Variants in KIF16B observed in about 807,000 individuals in gnomAD.
The protein encoded by KIF16B is kinesin-like protein KIF16B.
Under a neutral mutation model 156.3 loss-of-function variants are expected in KIF16B, and 98 were observed. The ratio of observed to expected loss-of-function variants is 0.63; its 90% CI spans 0.53 to 0.74. The LOEUF is 0.74. KIF16B is among the 30% of genes least tolerant of loss of function. KIF16B has a pLI of 0.00. For synonymous variants in KIF16B, 564 were observed against 583.7 expected (o/e 0.97, Z 0.49); for missense variants, 1,421 against 1,606.5 (o/e 0.88, Z 1.97).
At position 16,453,599 on chromosome 20, in the gene KIF16B, T is replaced by C. The variant is rs116723970; in HGVS notation, c.1303-23617A>G. ...ATCACTACATGAAGAGCCATGAAAA[T>C]TATGGGAAAACGCAATGATCAAAAA... On this transcript the variant is annotated intron_variant, in intron 12 of 25. Coordinates refer to ENST00000354981, the MANE Select transcript of KIF16B (RefSeq NM_024704.5). Among the ~76,000 whole-genome samples the C allele has an allele frequency of 7.2e-3, 1,094 of 152,066 alleles. 19 individuals are homozygous for C. The highest frequency in any genetic ancestry group is 0.025 in the African/African-American group (1,051 of 41,476).
chr20:16,432,185 A>G (rs912711780), intron 12 of KIF16B, among the ~76,000 whole-genome samples: 2 of 152,098 alleles, frequency 1.3e-5, no homozygotes, highest in African/African-American at 2.4e-5. Context: ...TCTGAAGTAG[A>G]AAGCAGACAA....
At chr20:16,281,661 A>G (rs1417282811) in intron 25 of KIF16B, among the ~76,000 whole-genome samples, 1 of 152,200 alleles carries the variant, frequency 6.6e-6, no homozygotes, top group East Asian at 1.9e-4. Flanking sequence ...ACTCCAAGGA[A>G]ATCAGGACAG....
At chr20:16,304,294 T>G (rs1232737691) in intron 25 of KIF16B, among the ~76,000 whole-genome samples, 1 of 152,244 alleles carries the variant, frequency 6.6e-6, no homozygotes, top group Non-Finnish European at 1.5e-5. Context: ...TCTCGCTCAT[T>G]GGTGCATTCA....
chr20:16,289,259 A>G (rs2063277458), intron 25 of KIF16B, among the ~76,000 whole-genome samples: 1 of 152,192 alleles, frequency 6.6e-6, no homozygotes, highest in Non-Finnish European at 1.5e-5. Flanking sequence ...CTTTTACACC[A>G]TCGTAAAGTT....
intron 23 of KIF16B, among the ~76,000 whole-genome samples, chr20:16,353,579 A>AG (rs916714115): frequency 1.0e-4 from 15 of 142,870 alleles, no homozygotes; most frequent in South Asian, 2.3e-4. Context: ...CAACCCAATG[A>AG]GGGGGGGGTT....
At chr20:16,275,983 G>C (rs6043846) in intron 25 of KIF16B, among the ~76,000 whole-genome samples, 4,179 of 152,334 alleles carry the variant, frequency 0.027, 72 homozygotes, top group African/African-American at 0.047. Context: ...AGAGCTTGCT[G>C]ACTTGTGCAT....
At chr20:16,283,830 C>A (rs189930105) in intron 25 of KIF16B, among the ~76,000 whole-genome samples, 2 of 152,264 alleles carry the variant, frequency 1.3e-5, no homozygotes, top group African/African-American at 4.8e-5. Flanking sequence ...GGGGAAGAAC[C>A]ACTTCCAAAC....
At chr20:16,365,916 G>A (rs1355498213) in intron 22 of KIF16B, among the ~76,000 whole-genome samples, 2 of 152,108 alleles carry the variant, frequency 1.3e-5, no homozygotes, top group Non-Finnish European at 2.9e-5. Flanking sequence ...GTGGATGGAG[G>A]GTGGGCTGAG....
At chr20:16,422,448 C>T (rs1225546973) in intron 15 of KIF16B, among the ~76,000 whole-genome samples, 6 of 152,072 alleles carry the variant, frequency 3.9e-5, no homozygotes, top group African/African-American at 1.4e-4. Context: ...GTAATCTACT[C>T]AGCATCAAGT....
chr20:16,385,217 T>C (rs1600259293), intron 17 of KIF16B, among the ~76,000 whole-genome samples: 1 of 148,706 alleles, frequency 6.7e-6, no homozygotes, highest in Non-Finnish European at 1.5e-5. Context: ...AAAAAGTAGG[T>C]ACTCAGTTAA....
chr20:16,433,311 C>T, intron 12 of KIF16B, among the ~76,000 whole-genome samples: 1 of 152,168 alleles, frequency 6.6e-6, no homozygotes, highest in East Asian at 1.9e-4. Flanking sequence ...CGTAAGTCCA[C>T]AGGCATGTGT....
In KIF16B at chr20:16,429,964, T is replaced by C. The variant is rs2066455617; in HGVS notation, c.1321A>G (p.Arg441Gly). 1.9e-6 allele frequency: 3 copies of C among 1,611,378 alleles called. No individual in the cohort carries two copies. The highest frequency in any genetic ancestry group is 4.5e-5 in the East Asian group (2 of 44,772). ...NILKEQTLAL[R>G]KEGIGVVLDS... The stretch of plus-strand genomic sequence containing the variant: ...AAAACAACTCCAATCCCTTCTTTCC[T>C]GAGGGCTAGAGTTTGTTCCTGAAAT... Residue 441 changes from arginine (R) to glycine (G), a missense_variant, in exon 13 of 26, where the codon AGG becomes GGG. By Grantham distance (125) the Arg-to-Gly change is moderately radical. Transcript: ENST00000354981.
chr20:16,367,469 G>A (rs1255286974), intron 22 of KIF16B: 12 of 1,612,744 alleles, frequency 7.4e-6, no homozygotes, highest in South Asian at 6.6e-5. Context: ...GATCGAATGC[G>A]TGGATAAAAA....
At chr20:16,505,874 A>C in intron 8 of KIF16B, 21 bp from the exon 9 acceptor site, 3 of 1,610,922 alleles carry the variant, frequency 1.9e-6, no homozygotes, top group Non-Finnish European at 2.5e-6. Context: ...GAAGAAACAA[A>C]GGGGAGAAAG....
At chr20:16,361,935 A>G (rs780057902) in intron 22 of KIF16B, among the ~76,000 whole-genome samples, 1 of 152,198 alleles carries the variant, frequency 6.6e-6, no homozygotes, top group Non-Finnish European at 1.5e-5. Flanking sequence ...TTTTCTCTAG[A>G]TCACCAAAGA....
At chr20:16,445,638 C>T (rs1196665160) in intron 12 of KIF16B, among the ~76,000 whole-genome samples, 1 of 151,898 alleles carries the variant, frequency 6.6e-6, no homozygotes, top group East Asian at 1.9e-4. Flanking sequence ...AGGTTTTTGT[C>T]CAGGTCAGCA....
At chr20:16,442,701 G>A (rs868653128) in intron 12 of KIF16B, among the ~76,000 whole-genome samples, 5 of 152,110 alleles carry the variant, frequency 3.3e-5, no homozygotes, top group Middle Eastern at 3.4e-3. Flanking sequence ...CACCAGCAGC[G>A]GCAAAATGAG....
At chr20:16,335,243 C>G (rs2064015130) in intron 24 of KIF16B, among the ~76,000 whole-genome samples, 1 of 152,172 alleles carries the variant, frequency 6.6e-6, no homozygotes, top group Non-Finnish European at 1.5e-5. Flanking sequence ...GATAATGCTT[C>G]CTTTAGTTGA....
chr20:16,370,639 GA>G lies in KIF16B; in HGVS notation c.3448-4del, dbSNP rs2064794469. 6.3e-7 allele frequency: 1 copy of G among 1,578,778 alleles called. No homozygotes were observed. Among genetic ancestry groups the G allele is most frequent in the Non-Finnish European group, 8.6e-7 (1 of 1,169,458 alleles). ...CCATTGTGAAGTTTCTCATTATCCT[GA>G]AAAGAAAAGAAAAAGCCCTCTATAT... On this transcript the variant is annotated splice_region_variant and splice_polypyrimidine_tract_variant and intron_variant, in intron 21 of 25. Transcript: ENST00000354981.
Sources: gnomAD v4.1 joint callset for allele counts (sites outside exome capture counted in the v4.1 genomes callset) on GRCh38, gnomAD v4.1.1 for gene constraint, MANE v1.5 for transcripts, NCBI Gene and HGNC (gene_info 2026-07-23, HGNC 2026-07-21) for gene names.